The following SLC16A2 variants were observed in gnomAD, a reference collection of about 807,000 sequenced individuals.
SLC16A2 encodes solute carrier family 16 member 2, also known as monocarboxylate transporter 8.
SLC16A2 carries 3 observed loss-of-function variants against 27.2 expected under a neutral mutation model. That is an observed-to-expected ratio of 0.11 (90% confidence interval 0.05 to 0.28). The LOEUF is 0.28. SLC16A2 is among the 10% of genes least tolerant of loss of function. The probability of loss-of-function intolerance (pLI) is 1.00; values close to 1 mark genes in which losing one functional copy is unlikely to be tolerated. For synonymous variants in SLC16A2, 202 were observed against 187.8 expected, an observed-to-expected ratio of 1.08 and a Z score of -0.62; for missense variants, 295 against 458.5, an observed-to-expected ratio of 0.64 and a Z score of 3.26.
At chrX:74,435,926 T>C (rs1928624942) in intron 1 of SLC16A2, among the ~76,000 whole-genome samples, 1 of 110,596 alleles carries the variant, frequency 9.0e-6, no homozygotes, top group Non-Finnish European at 1.9e-5. Context: ...CACTTATGCA[T>C]TGAGAAAGTT....
intron 1 of SLC16A2, among the ~76,000 whole-genome samples, chrX:74,424,563 A>G (rs902362283): frequency 5.3e-5 from 6 of 112,227 alleles, no homozygotes; most frequent in African/African-American, 1.9e-4. Flanking sequence ...AGAAGCTAAT[A>G]GAAGTTTGTG....
chrX:74,428,530 T>C (rs1033897752), intron 1 of SLC16A2, among the ~76,000 whole-genome samples: 7 of 111,396 alleles, frequency 6.3e-5, no homozygotes, highest in African/African-American at 2.3e-4. Flanking sequence ...TACTGCTCAG[T>C]TAGAGGAACA....
In SLC16A2 at chrX:74,525,557, C is replaced by A. The variant is rs760546463; in HGVS notation, c.1027-193C>A. Among the ~76,000 whole-genome samples the A allele has an allele frequency of 1.2e-4, 13 of 111,673 alleles. No homozygotes were observed. In the Admixed American group the frequency reaches 1.2e-3, roughly 11 times the overall value. ...GTACCCACCCTCCTTAGCTGTTGCT[C>A]AGAAGTCCAGAATCCAGACAGCCAA... On this transcript the variant is annotated intron_variant, in intron 3 of 5. Coordinates refer to ENST00000587091, the MANE Select transcript of SLC16A2 (RefSeq NM_006517.5).
At chrX:74,480,460 G>T (rs1474346075) in intron 1 of SLC16A2, among the ~76,000 whole-genome samples, 3 of 112,321 alleles carry the variant, frequency 2.7e-5, no homozygotes, top group Admixed American at 9.4e-5. Flanking sequence ...CCCGGCTTTG[G>T]CTCAGGCTCA....
chrX:74,436,821 G>C (rs1037362470), intron 1 of SLC16A2, among the ~76,000 whole-genome samples: 2 of 111,855 alleles, frequency 1.8e-5, no homozygotes, highest in African/African-American at 6.5e-5. Context: ...AGGCTGTTCT[G>C]ATGTTGGCCA....
chrX:74,507,351 C>T (rs191558251), intron 1 of SLC16A2, among the ~76,000 whole-genome samples: 7 of 111,225 alleles, frequency 6.3e-5, no homozygotes, highest in Non-Finnish European at 9.4e-5. Context: ...TATAATTTGA[C>T]GCATTTTTAC....
intron 1 of SLC16A2, among the ~76,000 whole-genome samples, chrX:74,504,940 T>C (rs911899536): frequency 4.5e-5 from 5 of 111,682 alleles, no homozygotes; most frequent in Non-Finnish European, 3.8e-5. Flanking sequence ...CAGTGAACTG[T>C]AATCATGCCA....
intron 1 of SLC16A2, among the ~76,000 whole-genome samples, chrX:74,484,402 T>C (rs910293574): frequency 2.7e-5 from 3 of 112,289 alleles, no homozygotes; most frequent in Non-Finnish European, 3.8e-5. Flanking sequence ...GAACCTGGGA[T>C]CAATAGAAAG....
chrX:74,471,088 G>A (rs1169990660), intron 1 of SLC16A2, among the ~76,000 whole-genome samples: 1 of 112,483 alleles, frequency 8.9e-6, no homozygotes, highest in Non-Finnish European at 1.9e-5. Context: ...ACAGAGCAGA[G>A]ATTCTTAATT....
chrX:74,468,859 G>A (rs1929300622), intron 1 of SLC16A2, among the ~76,000 whole-genome samples: 1 of 110,593 alleles, frequency 9.0e-6, no homozygotes, highest in Non-Finnish European at 1.9e-5. Flanking sequence ...TAGTTATTTG[G>A]AAATACACAA....
At chrX:74,439,636 C>T (rs1180015444) in intron 1 of SLC16A2, among the ~76,000 whole-genome samples, 2 of 108,378 alleles carry the variant, frequency 1.8e-5, no homozygotes, top group Non-Finnish European at 1.9e-5. Context: ...CTTTTCCCTT[C>T]CTGCCCTCTC....
chrX:74,519,270 T>C (rs1436942421), intron 1 of SLC16A2, among the ~76,000 whole-genome samples: 4 of 107,552 alleles, frequency 3.7e-5, no homozygotes. Flanking sequence ...CTCCGCCTCT[T>C]GGGTTCAAGC....
chrX:74,506,345 T>C (rs372374990), intron 1 of SLC16A2, among the ~76,000 whole-genome samples: 152 of 111,992 alleles, frequency 1.4e-3, no homozygotes, highest in African/African-American at 4.8e-3. Context: ...CATGTCTTCA[T>C]CTGTAAACAA....
chrX:74,500,718 G>C (rs1317130077), intron 1 of SLC16A2, among the ~76,000 whole-genome samples: 1 of 111,282 alleles, frequency 9.0e-6, no homozygotes, highest in East Asian at 2.8e-4. Flanking sequence ...ATGTAATTCT[G>C]AGCTTCCCCC....
At chrX:74,468,858 G>A in intron 1 of SLC16A2, among the ~76,000 whole-genome samples, 1 of 110,774 alleles carries the variant, frequency 9.0e-6, no homozygotes, top group East Asian at 2.8e-4. Context: ...CTAGTTATTT[G>A]GAAATACACA....
chrX:74,492,430 A>C (rs971782504), intron 1 of SLC16A2, among the ~76,000 whole-genome samples: 9 of 111,057 alleles, frequency 8.1e-5, no homozygotes, highest in Non-Finnish European at 1.5e-4. Flanking sequence ...CCACATGTCC[A>C]GGACCCTCTA....
At chrX:74,521,388 C>G (rs1361386216) in intron 2 of SLC16A2, among the ~76,000 whole-genome samples, 1 of 112,140 alleles carries the variant, frequency 8.9e-6, no homozygotes, top group Non-Finnish European at 1.9e-5. Context: ...CCTGGTAGTT[C>G]GTAGAGCTGG....
intron 1 of SLC16A2, among the ~76,000 whole-genome samples, chrX:74,435,715 T>C (rs193005197): frequency 1.9e-5 from 2 of 107,790 alleles, no homozygotes; most frequent in East Asian, 5.9e-4. Context: ...CAGTATAGTA[T>C]GATGAAACAA....
In SLC16A2 at chrX:74,524,627, C is replaced by G; in HGVS notation, c.844C>G (p.Pro282Ala). ...VLMLLSLTYR[P>A]LLPSSQDTPS... ...TATGCTGCTTTCACTCACCTACCGG[C>G]CCCTCCTGCCCAGCTCCCAGGACAC... The change falls in exon 3 of 6, where the codon CCC becomes GCC. Residue 282 changes from proline (P) to alanine (A), a missense_variant. Pro to Ala is a conservative substitution (Grantham distance 27). This residue lies in a region of SLC16A2 where 144 missense variants were observed against 219.8 expected (regional missense o/e 0.66). Transcript: ENST00000587091. 5 of 1,211,774 alleles carry G rather than the reference C, an allele frequency of 4.1e-6. No homozygotes were observed. The highest frequency in any genetic ancestry group is 5.6e-6 in the Non-Finnish European group (5 of 895,510).
Sources: gnomAD v4.1 joint callset for allele counts (sites outside exome capture counted in the v4.1 genomes callset) on GRCh38, gnomAD v4.1.1 for gene constraint, gnomAD v4.1.1 regional missense constraint, MANE v1.5 for transcripts, NCBI Gene and HGNC (gene_info 2026-07-23, HGNC 2026-07-21) for gene names.